The following ACTN1 variants were observed in gnomAD, a reference collection of about 807,000 sequenced individuals.
The protein encoded by ACTN1 is alpha-actinin-1.
ACTN1 carries 30 observed loss-of-function variants against 119.6 expected under a neutral mutation model. The ratio of observed to expected loss-of-function variants is 0.25; its 90% CI spans 0.19 to 0.34. The LOEUF is 0.34. Ranked by LOEUF, ACTN1 falls within the 10% of genes least tolerant of loss-of-function variation. The pLI is 1.00. For synonymous variants in ACTN1, 429 were observed against 472.6 expected (o/e 0.91, Z 1.20); for missense variants, 764 against 1,223.4 (o/e 0.62, Z 5.60).
At position 68,941,833 on chromosome 14, in the gene ACTN1, T is replaced by A. The variant is rs572177252; in HGVS notation, c.106-16161A>T. ...CCTTGGCACCCAGTGTGTTCCTTCA[T>A]CTGGGCTAGCAGGATCCAGCAGGCA... On this transcript the variant is annotated intron_variant, in intron 1 of 21. Coordinates refer to ENST00000394419, the MANE Select transcript of ACTN1 (RefSeq NM_001130004.2). Among the ~76,000 whole-genome samples the A allele has an allele frequency of 8.4e-4, 128 of 152,262 alleles. 1 individual carries two copies. Among genetic ancestry groups the A allele is most frequent in the Admixed American group, 3.9e-3 (60 of 15,294 alleles).
chr14:68,967,604 A>AAGGC (rs2036747625), intron 1 of ACTN1, among the ~76,000 whole-genome samples: 1 of 152,234 alleles, frequency 6.6e-6, no homozygotes, highest in Non-Finnish European at 1.5e-5. Context: ...AAGTGTAATG[A>AAGGC]AGGCAGGCAG....
In ACTN1 at chr14:68,882,524, C is replaced by T; in HGVS notation, c.1887G>A (p.Glu629=). 2 of 1,614,214 alleles carry T rather than the reference C, an allele frequency of 1.2e-6. No individual in the cohort carries two copies. The highest frequency in any genetic ancestry group is 1.7e-6 in the Non-Finnish European group (2 of 1,180,044). The change falls in exon 16 of 22, where the codon GAG becomes GAA. Residue 629 remains glutamate (E), a synonymous_variant. Transcript: ENST00000394419. This position sits in a 1 kb window ranked among gnomAD's most constrained non-coding sequence, Gnocchi z 4.5. Reference sequence around the variant, plus strand: ...GGGCTCCAAACTGCTTGCGTAGCCTCTCATTGTGCTGCTGTCGGGCATGCT... The same window carrying T: ...GGGCTCCAAACTGCTTGCGTAGCCTTTCATTGTGCTGCTGTCGGGCATGCT... ...TEEHARQQHN[E]RLRKQFGAQA...
intron 1 of ACTN1, chr14:68,978,696 A>G (rs1396629099): frequency 3.0e-6 from 1 of 336,086 alleles, no homozygotes; most frequent in African/African-American, 2.2e-5. Context: ...CGGACCCCCA[A>G]GGAGACCTGC....
At chr14:68,950,462 G>GTGTGTGTGTGTGTATATA in intron 1 of ACTN1, among the ~76,000 whole-genome samples, 3 of 125,906 alleles carry the variant, frequency 2.4e-5, no homozygotes, top group Non-Finnish European at 3.2e-5. Context: ...ATGCGTGTGT[G>GTGTGTGTGTGTGTATATA]TATATATATA....
chr14:68,974,449 G>A (rs766570531), intron 1 of ACTN1, among the ~76,000 whole-genome samples: 5 of 152,102 alleles, frequency 3.3e-5, no homozygotes, highest in Non-Finnish European at 7.4e-5. Context: ...ATAGAAGAAT[G>A]ATAAGGGAGA....
intron 1 of ACTN1, among the ~76,000 whole-genome samples, chr14:68,934,489 C>T (rs1358498036): frequency 6.6e-6 from 1 of 152,252 alleles, no homozygotes; most frequent in African/African-American, 2.4e-5. Flanking sequence ...CTGGTGGGTT[C>T]AATGACAAAG....
intron 8 of ACTN1, among the ~76,000 whole-genome samples, chr14:68,898,215 G>C (rs1372293453): frequency 3.3e-5 from 5 of 152,188 alleles, no homozygotes; most frequent in African/African-American, 1.2e-4. Flanking sequence ...AGCAGACCAT[G>C]AACTCTAAAA....
At chr14:68,875,738 G>C (rs2030817144) in intron 21 of ACTN1, among the ~76,000 whole-genome samples, 2 of 152,252 alleles carry the variant, frequency 1.3e-5, no homozygotes, top group South Asian at 4.1e-4. Flanking sequence ...AGGGAGGGTA[G>C]AGCTGCCACT....
chr14:68,891,556 G>T (rs2032489804), intron 10 of ACTN1, among the ~76,000 whole-genome samples: 1 of 152,000 alleles, frequency 6.6e-6, no homozygotes, highest in Non-Finnish European at 1.5e-5. Flanking sequence ...TTTTAAAGTT[G>T]ATACTGGGTA....
chr14:68,885,328 C>A lies in ACTN1; in HGVS notation c.1385+97G>T. ...CTGGGCACCCACCTGTACCCACCCT[C>A]CCCATCTTCCACGGCCACACCCCCA... On this transcript the variant is annotated intron_variant, in intron 12 of 21. Transcript: ENST00000394419. This position sits in a 1 kb window ranked among gnomAD's most constrained non-coding sequence, Gnocchi z 5.6. The A allele has an allele frequency of 9.6e-6, 13 of 1,360,746 alleles. No individual in the cohort carries two copies. Among genetic ancestry groups the A allele is most frequent in the Admixed American group, 2.4e-5 (1 of 41,710 alleles). 84.3% of individuals were successfully genotyped at this position (1,360,746 alleles called of 1,614,324 possible).
intron 1 of ACTN1, among the ~76,000 whole-genome samples, chr14:68,945,933 A>G (rs373593009): frequency 5.6e-4 from 85 of 152,284 alleles, no homozygotes; most frequent in African/African-American, 2.0e-3. Flanking sequence ...AACCCAATCA[A>G]TCTTAACCAC....
chr14:68,913,812 G>T (rs1166214676), intron 3 of ACTN1, among the ~76,000 whole-genome samples: 1 of 152,192 alleles, frequency 6.6e-6, no homozygotes, highest in Admixed American at 6.5e-5. Context: ...ACATCCAAAT[G>T]CTTGGGTTGG....
chr14:68,881,981 G>A (rs1033412666), intron 16 of ACTN1, among the ~76,000 whole-genome samples: 35 of 121,328 alleles, frequency 2.9e-4, no homozygotes, highest in African/African-American at 1.1e-3. Context: ...TGTTGCCCAA[G>A]CTGCAGTGCA....
At chr14:68,948,239 T>C (rs952617544) in intron 1 of ACTN1, among the ~76,000 whole-genome samples, 5 of 152,124 alleles carry the variant, frequency 3.3e-5, no homozygotes, top group African/African-American at 4.8e-5. Context: ...ACGCACTTTA[T>C]AACAATGACC....
intron 1 of ACTN1, among the ~76,000 whole-genome samples, chr14:68,950,199 C>T (rs2036087675): frequency 6.7e-6 from 1 of 149,382 alleles, no homozygotes; most frequent in African/African-American, 2.5e-5. Flanking sequence ...GAGGCTGAGG[C>T]AGAAGAATCA....
intron 1 of ACTN1, among the ~76,000 whole-genome samples, chr14:68,958,436 A>C (rs1320784218): frequency 6.6e-6 from 1 of 152,068 alleles, no homozygotes; most frequent in Non-Finnish European, 1.5e-5. Flanking sequence ...AGGGTGGTAG[A>C]ATTTCTGCTA....
intron 1 of ACTN1, among the ~76,000 whole-genome samples, chr14:68,951,196 A>C (rs1436419487): frequency 6.6e-6 from 1 of 152,204 alleles, no homozygotes; most frequent in Non-Finnish European, 1.5e-5. Flanking sequence ...CCCTGACTCC[A>C]GGGTGACTCA....
chr14:68,916,670 T>C (rs1474998711), intron 3 of ACTN1, among the ~76,000 whole-genome samples: 2 of 152,178 alleles, frequency 1.3e-5, no homozygotes, highest in African/African-American at 2.4e-5. Context: ...GGCAGCTTTA[T>C]GTCAGGGACT....
At position 68,878,680 on chromosome 14, in the gene ACTN1, G is replaced by A. The variant is rs774901281; in HGVS notation, c.2362-157C>T. ...TAGGTAAAGGAACATAGGAGAAGAT[G>A]CGAACACACATCGGTGGAAATGTCC... On this transcript the variant is annotated intron_variant, in intron 19 of 21. Coordinates refer to ENST00000394419, the MANE Select transcript of ACTN1 (RefSeq NM_001130004.2). This position sits in a 1 kb window ranked among gnomAD's most constrained non-coding sequence, Gnocchi z 4.4. The A allele has an allele frequency of 2.1e-5, 33 of 1,540,940 alleles. No individual in the cohort carries two copies. The South Asian group carries it at 3.8e-4, about 18-fold the overall frequency.
Sources: allele counts gnomAD v4.1 joint callset (sites outside exome capture counted in the v4.1 genomes callset), GRCh38; gene constraint gnomAD v4.1.1; non-coding constraint Gnocchi (gnomAD v3.1); transcripts MANE v1.5; gene names NCBI Gene and HGNC (gene_info 2026-07-23, HGNC 2026-07-21).